NT5C2: variants seen among roughly 807,000 people sequenced by gnomAD.
NT5C2 encodes 5'-nucleotidase, cytosolic II, also known as cytosolic purine 5'-nucleotidase.
NT5C2 carries 58 observed loss-of-function variants against 76.1 expected under a neutral mutation model. The observed-to-expected ratio is 0.76, with a 90% CI of 0.62 to 0.95. NT5C2 has a LOEUF of 0.95. Ranked by LOEUF, NT5C2 falls within the 40% of genes least tolerant of loss-of-function variation. The pLI, the probability that NT5C2 is intolerant of heterozygous loss-of-function variation, is 0.00. For synonymous variants in NT5C2, 229 were observed against 237.4 expected (o/e 0.96, Z 0.32); for missense variants, 478 against 690.3 (o/e 0.69, Z 3.45).
Position 103,090,939 on chromosome 10 carries a change from A to C in NT5C2, c.1269T>G (p.Ile423Met). The C allele has an allele frequency of 6.2e-7, 1 of 1,613,696 alleles. No individual in the cohort carries two copies. The highest frequency in any genetic ancestry group is 8.5e-7 in the Non-Finnish European group (1 of 1,179,668). Residue 423 changes from isoleucine to methionine, a missense_variant, in exon 17 of 19, where the codon ATT becomes ATG. Transcript: ENST00000404739. ...CTCCCAAATCCCATTTGGATACCTT[A>C]ATACGTCTCTGGATGGAACTGATGT... The part of the protein sequence containing the change: ...RPDISSIQRR[I>M]KKVTHDMDMC...
At chr10:103,190,412 T>G (rs2092548863) in intron 1 of NT5C2, among the ~76,000 whole-genome samples, 1 of 152,216 alleles carries the variant, frequency 6.6e-6, no homozygotes, top group African/African-American at 2.4e-5. Context: ...CTCCCTACTC[T>G]GAAGTGTTAC....
intron 3 of NT5C2, chr10:103,140,228 T>G (rs1833713908): frequency 6.6e-6 from 1 of 152,228 alleles, no homozygotes; most frequent in Non-Finnish European, 1.5e-5. Context: ...CTCCAATCAC[T>G]GCTTTGCTCT....
chr10:103,151,966 G>A (rs978392096), intron 3 of NT5C2, among the ~76,000 whole-genome samples: 9 of 152,122 alleles, frequency 5.9e-5, no homozygotes, highest in African/African-American at 1.9e-4. Context: ...TGTCCTAGAG[G>A]GGTAATATAG....
At chr10:103,118,794 T>C (rs2075001574) in intron 4 of NT5C2, among the ~76,000 whole-genome samples, 1 of 152,120 alleles carries the variant, frequency 6.6e-6, no homozygotes, top group African/African-American at 2.4e-5. Flanking sequence ...ACCACAATTA[T>C]CTTTTTTGTT....
At chr10:103,130,800 A>T (rs1347189089) in intron 4 of NT5C2, among the ~76,000 whole-genome samples, 1 of 152,152 alleles carries the variant, frequency 6.6e-6, no homozygotes, top group South Asian at 2.1e-4. Context: ...TATTCAAAGT[A>T]AATTTTCTTA....
At chr10:103,190,065 A>G (rs189784832) in intron 1 of NT5C2, among the ~76,000 whole-genome samples, 1 of 145,042 alleles carries the variant, frequency 6.9e-6, no homozygotes, top group East Asian at 2.0e-4. Flanking sequence ...GCGTGGCGCA[A>G]TCTCAGCTCA....
At chr10:103,127,145 A>G (rs1399346758) in intron 4 of NT5C2, among the ~76,000 whole-genome samples, 1 of 152,234 alleles carries the variant, frequency 6.6e-6, no homozygotes, top group Non-Finnish European at 1.5e-5. Flanking sequence ...AACTGTAGTT[A>G]AAGCATAATT....
At chr10:103,098,835 T>A (rs2068839486) in intron 10 of NT5C2, 96 bp downstream of exon 10, 1 of 867,878 alleles carries the variant, frequency 1.2e-6, no homozygotes, top group Non-Finnish European at 1.8e-6. Context: ...ACAAATCTCT[T>A]CTTTTGTCCA....
rs190535314 is a variant in NT5C2, at chr10:103,181,187, A to G, written c.-27T>C. 3 of 152,186 alleles carry G rather than the reference A, an allele frequency of 2.0e-5. No homozygotes were observed. The highest frequency in any genetic ancestry group is 1.9e-4 in the East Asian group (1 of 5,182). 9.4% of individuals were successfully genotyped at this position (152,186 alleles called of 1,614,324 possible). On this transcript the variant is annotated splice_region_variant and 5_prime_UTR_variant, in exon 2 of 19. Transcript: ENST00000404739. ...ACTCTGTGCAACTTATTGTATACCA[A>G]TTATGCCACAATAAGACTTTTTCAG... is the stretch of plus-strand genomic sequence containing the variant.
At chr10:103,104,844 CCTATT>C (rs1466323794) in intron 6 of NT5C2, among the ~76,000 whole-genome samples, 1 of 152,140 alleles carries the variant, frequency 6.6e-6, no homozygotes, top group Non-Finnish European at 1.5e-5. Flanking sequence ...TGGTGTTTTT[CCTATT>C]CTGCCATCAA....
intron 3 of NT5C2, among the ~76,000 whole-genome samples, chr10:103,151,515 T>C (rs888467346): frequency 3.9e-5 from 6 of 152,016 alleles, no homozygotes; most frequent in South Asian, 2.1e-4. Context: ...CTTAACTTCA[T>C]TGCTGAAAAT....
intron 6 of NT5C2, among the ~76,000 whole-genome samples, chr10:103,101,578 A>G (rs2069679479): frequency 6.6e-6 from 1 of 150,622 alleles, no homozygotes; most frequent in Non-Finnish European, 1.5e-5. Context: ...ACTCCTGAAG[A>G]TTGCTCAAGC....
chr10:103,181,804 A>T (rs1301035942), intron 1 of NT5C2, among the ~76,000 whole-genome samples: 1 of 152,020 alleles, frequency 6.6e-6, no homozygotes, highest in African/African-American at 2.4e-5. Context: ...CAGGAGTTCG[A>T]GACCAGCCTG....
At chr10:103,192,454 T>G (rs1474822132) in intron 1 of NT5C2, among the ~76,000 whole-genome samples, 2 of 151,950 alleles carry the variant, frequency 1.3e-5, no homozygotes, top group Non-Finnish European at 2.9e-5. Context: ...CCCCAAAACG[T>G]TTTTCTTAAA....
intron 18 of NT5C2, 101 bp from the exon 19 acceptor site, chr10:103,090,009 T>C: frequency 7.0e-6 from 6 of 856,276 alleles, no homozygotes; most frequent in Non-Finnish European, 8.9e-6. Flanking sequence ...TGCAATTACA[T>C]CTATAATGGA....
chr10:103,129,463 CGGGA>C (rs2077507462), intron 4 of NT5C2, among the ~76,000 whole-genome samples: 1 of 111,018 alleles, frequency 9.0e-6, no homozygotes, highest in Non-Finnish European at 2.0e-5. Flanking sequence ...CCACCCCGTC[CGGGA>C]GGGAGATGGG....
chr10:103,188,035 T>C (rs1049647023), intron 1 of NT5C2, among the ~76,000 whole-genome samples: 1 of 152,172 alleles, frequency 6.6e-6, no homozygotes. Context: ...AAAAAGAATA[T>C]GTAACACAAA....
chr10:103,089,782 G>T lies in NT5C2; in HGVS notation c.1576C>A (p.Arg526=). The change falls in exon 19 of 19, where the codon CGG becomes AGG. Residue 526 remains arginine, a synonymous_variant. Coordinates refer to ENST00000404739, the MANE Select transcript of NT5C2 (RefSeq NM_001351169.2). ...DTDYKRHQLT[R]SISEIKPPNL... is the part of the protein sequence containing the mutation. ...GGAGGTTTAATCTCACTAATTGACC[G>T]TGTCAGCTGGTGCCGCTTGTAGTCA... 6.2e-7 allele frequency: 1 copy of T among 1,614,048 alleles called. No individual in the cohort carries two copies. The highest frequency in any genetic ancestry group is 8.5e-7 in the Non-Finnish European group (1 of 1,179,994).
intron 3 of NT5C2, among the ~76,000 whole-genome samples, chr10:103,157,803 G>T (rs146685007): frequency 6.6e-6 from 1 of 152,096 alleles, no homozygotes; most frequent in Non-Finnish European, 1.5e-5. Flanking sequence ...GGCCAGGTGC[G>T]GTGGCTCACA....
Sources: allele counts gnomAD v4.1 joint callset (sites outside exome capture counted in the v4.1 genomes callset), GRCh38; gene constraint gnomAD v4.1.1; transcripts MANE v1.5; gene names NCBI Gene and HGNC (gene_info 2026-07-23, HGNC 2026-07-21).